ATXN7L1: variants seen among roughly 807,000 people sequenced by gnomAD.
ATXN7L1 encodes ataxin-7-like protein 1.
ATXN7L1 carries 15 observed loss-of-function variants against 70.8 expected under a neutral mutation model. The ratio of observed to expected loss-of-function variants is 0.21; its 90% CI spans 0.14 to 0.33. The LOEUF is 0.33. ATXN7L1 is among the 10% of genes least tolerant of loss of function. The pLI, the probability that ATXN7L1 is intolerant of heterozygous loss-of-function variation, is 1.00. For synonymous variants in ATXN7L1, 440 were observed against 445.1 expected (o/e 0.99, Z 0.14); for missense variants, 975 against 1,097.1 (o/e 0.89, Z 1.57).
At chr7:105,742,469 C>T (rs557127599) in intron 3 of ATXN7L1, among the ~76,000 whole-genome samples, 175 of 152,320 alleles carry the variant, frequency 1.1e-3, no homozygotes, top group South Asian at 2.1e-3. Flanking sequence ...TATGTGTGTA[C>T]TATGCTTATG....
At chr7:105,608,619 A>G (rs746107592) in intron 11 of ATXN7L1, among the ~76,000 whole-genome samples, 7 of 152,134 alleles carry the variant, frequency 4.6e-5, no homozygotes, top group Non-Finnish European at 1.0e-4. Flanking sequence ...AGGCCCCATC[A>G]ACAGAGGCTG....
intron 3 of ATXN7L1, among the ~76,000 whole-genome samples, chr7:105,709,873 T>G (rs1019998695): frequency 1.4e-5 from 2 of 146,870 alleles, no homozygotes; most frequent in Non-Finnish European, 3.0e-5. Context: ...TAAAGCTTGC[T>G]TTGCTTTTTT....
At position 105,733,546 on chromosome 7, in the gene ATXN7L1, C is replaced by T. The variant is rs866436876; in HGVS notation, c.355+55058G>A. The stretch of plus-strand genomic sequence containing the variant: ...TCCATCCATCCATCCATCCACCCAT[C>T]CATCCATCCACCCATCCATCCTTCC... On this transcript the variant is annotated intron_variant, in intron 3 of 11. Transcript: ENST00000419735. Among the ~76,000 whole-genome samples the T allele has an allele frequency of 1.4e-3, 172 of 126,904 alleles. 4 individuals carry two copies. The highest frequency in any genetic ancestry group is 1.7e-3 in the Admixed American group (22 of 12,850). 83.3% of individuals were successfully genotyped at this position (126,904 alleles called of 152,430 possible). A position where few individuals can be genotyped will look rare whatever the true frequency, so the allele number is the denominator to read the frequency against.
intron 3 of ATXN7L1, among the ~76,000 whole-genome samples, chr7:105,714,657 CTGTTTT>C (rs954394219): frequency 5.4e-4 from 80 of 149,476 alleles, no homozygotes; most frequent in East Asian, 3.1e-3. Context: ...ATAGCTTCTT[CTGTTTT>C]TGTTTTTGTT....
At chr7:105,697,947 G>A (rs890656694) in intron 3 of ATXN7L1, among the ~76,000 whole-genome samples, 3 of 152,252 alleles carry the variant, frequency 2.0e-5, no homozygotes, top group African/African-American at 7.2e-5. Context: ...ATATGTGGAA[G>A]AGGAAGCTGG....
intron 2 of ATXN7L1, among the ~76,000 whole-genome samples, chr7:105,811,840 A>G (rs1366545577): frequency 6.6e-6 from 1 of 152,124 alleles, no homozygotes; most frequent in Non-Finnish European, 1.5e-5. Context: ...CCCTGGCCCC[A>G]TGGCTCCTGG....
chr7:105,629,494 GTATTAT>G (rs983479274), intron 7 of ATXN7L1, among the ~76,000 whole-genome samples: 2 of 147,596 alleles, frequency 1.4e-5, no homozygotes, highest in Non-Finnish European at 3.0e-5. Flanking sequence ...TTATATATAT[GTATTAT>G]TATTATTATT....
At chr7:105,821,865 A>G (rs186377617) in intron 2 of ATXN7L1, among the ~76,000 whole-genome samples, 9 of 152,350 alleles carry the variant, frequency 5.9e-5, no homozygotes, top group Admixed American at 1.3e-4. Context: ...GGTGCTTGGA[A>G]CATCTTATTT....
At chr7:105,679,135 T>C in intron 3 of ATXN7L1, 1 of 986,094 alleles carries the variant, frequency 1.0e-6, no homozygotes, top group South Asian at 4.7e-5. Context: ...AGATGTTTCC[T>C]GGCTCCTGGA....
At chr7:105,649,836 T>C (rs568928027) in intron 4 of ATXN7L1, among the ~76,000 whole-genome samples, 9 of 152,308 alleles carry the variant, frequency 5.9e-5, no homozygotes, top group Admixed American at 5.9e-4. Flanking sequence ...GGGTTTTGTG[T>C]GTGATGAGAG....
At chr7:105,634,049 G>C (rs549158170) in intron 7 of ATXN7L1, among the ~76,000 whole-genome samples, 6 of 152,272 alleles carry the variant, frequency 3.9e-5, no homozygotes, top group African/African-American at 1.4e-4. Flanking sequence ...GGACCTTTTA[G>C]CTCTGATTGC....
intron 2 of ATXN7L1, among the ~76,000 whole-genome samples, chr7:105,797,449 C>T (rs1416725006): frequency 5.9e-5 from 9 of 152,220 alleles, no homozygotes; most frequent in Admixed American, 5.2e-4. Flanking sequence ...GGCGAAGGGG[C>T]TGCACTGGGT....
intron 4 of ATXN7L1, among the ~76,000 whole-genome samples, chr7:105,655,860 G>A (rs950943579): frequency 5.3e-5 from 8 of 152,162 alleles, no homozygotes; most frequent in Admixed American, 3.3e-4. Context: ...TGGGGAGAGG[G>A]AGCCCTCCCC....
In ATXN7L1 at chr7:105,702,545, AACAC is replaced by A. The variant is rs10541042; in HGVS notation, c.356-37261_356-37258del. Among the ~76,000 whole-genome samples the A allele has an allele frequency of 7.3e-3, 1,103 of 150,076 alleles. 14 individuals are homozygous for A. Among genetic ancestry groups the A allele is most frequent in the African/African-American group, 0.026 (1,043 of 40,504 alleles). ...GCCCCTTACACACACACAGACCCAC[AACAC>A]ACACACACACACACAGACACACATA... On this transcript the variant is annotated intron_variant, in intron 3 of 11. Coordinates refer to ENST00000419735, the MANE Select transcript of ATXN7L1 (RefSeq NM_020725.2).
chr7:105,798,610 A>G (rs759157890), intron 2 of ATXN7L1, among the ~76,000 whole-genome samples: 2 of 152,228 alleles, frequency 1.3e-5, no homozygotes, highest in African/African-American at 4.8e-5. Context: ...GCTCATGCAT[A>G]TCTTCATCTT....
chr7:105,662,128 A>T (rs1801811354), intron 4 of ATXN7L1, among the ~76,000 whole-genome samples: 1 of 126,700 alleles, frequency 7.9e-6, no homozygotes, highest in Non-Finnish European at 1.6e-5. Flanking sequence ...TTTAAGCCAG[A>T]GTCTTGCCCT....
chr7:105,706,510 G>T (rs1011898074), intron 3 of ATXN7L1, among the ~76,000 whole-genome samples: 1 of 152,008 alleles, frequency 6.6e-6, no homozygotes. Context: ...ATTTAATTCT[G>T]AGTGTTCTGC....
chr7:105,750,710 G>A (rs990243159), intron 3 of ATXN7L1, among the ~76,000 whole-genome samples: 1 of 152,194 alleles, frequency 6.6e-6, no homozygotes, highest in African/African-American at 2.4e-5. Flanking sequence ...GGCTGAGGCA[G>A]GAGAATCACT....
chr7:105,709,710 C>G (rs1793642888), intron 3 of ATXN7L1, among the ~76,000 whole-genome samples: 1 of 152,188 alleles, frequency 6.6e-6, no homozygotes, highest in South Asian at 2.1e-4. Context: ...TACATTTTCT[C>G]TCATTCCCTG....
Sources: allele counts gnomAD v4.1 joint callset (sites outside exome capture counted in the v4.1 genomes callset), GRCh38; gene constraint gnomAD v4.1.1; transcripts MANE v1.5; gene names NCBI Gene and HGNC (gene_info 2026-07-23, HGNC 2026-07-21).